Variants in SCML4 observed in about 807,000 individuals in gnomAD.
SCML4 encodes Scm polycomb group protein like 4, also known as sex comb on midleg-like protein 4.
In SCML4, 34 loss-of-function variants were observed where a neutral mutation model predicts 41.1. The ratio of observed to expected loss-of-function variants is 0.83; its 90% confidence interval spans 0.63 to 1.10. The LOEUF (loss-of-function observed/expected upper bound fraction) is 1.10, where lower values mean the gene tolerates loss of function less well. Among genes scored for constraint, SCML4 ranks in the 50% least tolerant of loss-of-function variants. The probability of loss-of-function intolerance (pLI) is 0.00; values close to 1 mark genes in which losing one functional copy is unlikely to be tolerated. For synonymous variants in SCML4, 214 were observed against 220.9 expected (o/e 0.97, Z 0.28); for missense variants, 522 against 534.1 (o/e 0.98, Z 0.22).
In SCML4 at chr6:107,704,121, A is replaced by G. The variant is rs1292583555; in HGVS notation, c.*1079T>C. On this transcript the variant is annotated 3_prime_UTR_variant, in exon 8 of 8. Coordinates refer to ENST00000369020, the MANE Select transcript of SCML4 (RefSeq NM_198081.5). ...AAACCCCATAATAGCATGTCTGTGT[A>G]TTTGTTGAGGACTAGAAAAATTAGC... 2 of 152,256 alleles carry G rather than the reference A, an allele frequency of 1.3e-5. No homozygotes were observed. Among genetic ancestry groups the G allele is most frequent in the Non-Finnish European group, 2.9e-5 (2 of 68,046 alleles). 9.4% of individuals were successfully genotyped at this position (152,256 alleles called of 1,614,324 possible). A position where few individuals can be genotyped will look rare whatever the true frequency, so the allele number is the denominator to read the frequency against.
the SCML4 span, among the ~76,000 whole-genome samples, chr6:107,841,062 A>C: frequency 6.6e-6 from 1 of 152,046 alleles, no homozygotes; most frequent in Non-Finnish European, 1.5e-5. Context: ...CAATCCCCAA[A>C]CACCATCTCC....
upstream of SCML4, among the ~76,000 whole-genome samples, chr6:107,827,343 T>A (rs1785297098): frequency 6.8e-6 from 1 of 148,018 alleles, no homozygotes; most frequent in South Asian, 2.1e-4. Flanking sequence ...ATCTTTATAT[T>A]TTTTACTTAA....
At chr6:107,769,746 CATCTCACTACA>C (rs1239089544) in intron 2 of SCML4, among the ~76,000 whole-genome samples, 1 of 151,926 alleles carries the variant, frequency 6.6e-6, no homozygotes, top group African/African-American at 2.4e-5. Context: ...AGTATATTAT[CATCTCACTACA>C]AAAGTTATTA....
chr6:107,766,716 G>A (rs1780076723), intron 2 of SCML4, among the ~76,000 whole-genome samples: 1 of 152,216 alleles, frequency 6.6e-6, no homozygotes, highest in Non-Finnish European at 1.5e-5. Context: ...TTCCAGCCCT[G>A]GGTGCATGGG....
intron 1 of SCML4, among the ~76,000 whole-genome samples, chr6:107,813,215 T>A (rs1784289763): frequency 6.7e-6 from 1 of 150,288 alleles, no homozygotes; most frequent in Non-Finnish European, 1.5e-5. Context: ...TACAAAAAAT[T>A]AGCTCAGGGT....
chr6:107,844,787 C>T, the SCML4 span, among the ~76,000 whole-genome samples: 7 of 152,144 alleles, frequency 4.6e-5, no homozygotes, highest in East Asian at 9.7e-4. Flanking sequence ...CCTGGCTGGG[C>T]ATGGTGGCTC....
At position 107,707,986 on chromosome 6, in the gene SCML4, C is replaced by G; in HGVS notation, c.999G>C (p.Gln333His). Residue 333 changes from glutamine to histidine, a missense_variant, in exon 7 of 8, where the codon CAG (glutamine) becomes CAC (histidine). Coordinates refer to ENST00000369020, the MANE Select transcript of SCML4 (RefSeq NM_198081.5). Reference sequence around the variant, plus strand: ...TCCTGCTCCGTGGCCGCCTGGCATCCTGCGCATCCTGAGAAGGGCTTGAGG... The same window carrying G: ...TCCTGCTCCGTGGCCGCCTGGCATCGTGCGCATCCTGAGAAGGGCTTGAGG... ...RCASSPSQDA[Q>H]DARRPRSRNP... The G allele has an allele frequency of 6.4e-7, 1 of 1,551,222 alleles. No homozygotes were observed. The highest frequency in any genetic ancestry group is 1.2e-5 in the South Asian group (1 of 84,062).
At chr6:107,839,092 C>T in the SCML4 span, among the ~76,000 whole-genome samples, 1 of 151,978 alleles carries the variant, frequency 6.6e-6, no homozygotes, top group Non-Finnish European at 1.5e-5. Flanking sequence ...TTGAGGCCAG[C>T]AGTTCAAGAC....
chr6:107,741,754 T>C (rs1189853562), intron 5 of SCML4, among the ~76,000 whole-genome samples: 1 of 152,212 alleles, frequency 6.6e-6, no homozygotes, highest in Non-Finnish European at 1.5e-5. Flanking sequence ...TAAGGTGCCA[T>C]GTAGAGCCAA....
intron 2 of SCML4, among the ~76,000 whole-genome samples, chr6:107,768,826 C>A (rs1780284250): frequency 6.6e-6 from 1 of 152,172 alleles, no homozygotes; most frequent in Non-Finnish European, 1.5e-5. Context: ...GAACTTGTTT[C>A]TTCTGCTTAA....
intron 1 of SCML4, among the ~76,000 whole-genome samples, chr6:107,784,495 C>T (rs1356362125): frequency 6.6e-6 from 1 of 152,124 alleles, no homozygotes; most frequent in African/African-American, 2.4e-5. Context: ...TGCATGTATG[C>T]TTATGGATGC....
At chr6:107,746,546 C>T in intron 4 of SCML4, 143 bp downstream of exon 4, 1 of 673,746 alleles carries the variant, frequency 1.5e-6, no homozygotes, top group Non-Finnish European at 2.6e-6. Context: ...AGGCTTTTAG[C>T]TCACAGGCTC....
Position 107,703,014 on chromosome 6 carries a change from G to A in SCML4, c.*2186C>T, listed in dbSNP as rs1038998182. Reference sequence around the variant, plus strand: ...ATGGCAACGAGAGTGACCTCTGGTTGTCCTCGCTGCTATACTACCACCAGT... The same window carrying A: ...ATGGCAACGAGAGTGACCTCTGGTTATCCTCGCTGCTATACTACCACCAGT... On this transcript the variant is annotated 3_prime_UTR_variant, in exon 8 of 8. Transcript: ENST00000369020. 1.3e-5 allele frequency among the ~76,000 whole-genome samples: 2 copies of A among 152,188 alleles called. No homozygotes were observed. The highest frequency in any genetic ancestry group is 2.9e-5 in the Non-Finnish European group (2 of 68,040).
intron 6 of SCML4, among the ~76,000 whole-genome samples, chr6:107,708,499 G>A (rs915768454): frequency 6.6e-6 from 1 of 152,162 alleles, no homozygotes; most frequent in African/African-American, 2.4e-5. Context: ...AGAGGATAGA[G>A]GCATGGTAGA....
intron 1 of SCML4, among the ~76,000 whole-genome samples, chr6:107,787,362 C>G (rs1781981283): frequency 6.6e-6 from 1 of 152,158 alleles, no homozygotes; most frequent in African/African-American, 2.4e-5. Flanking sequence ...CTGCGAGACA[C>G]TTGTCTCTGC....
intron 2 of SCML4, among the ~76,000 whole-genome samples, chr6:107,759,586 A>G (rs910387397): frequency 6.6e-6 from 1 of 152,184 alleles, no homozygotes; most frequent in East Asian, 1.9e-4. Context: ...ATCTACATCT[A>G]TTCACAAAAT....
At chr6:107,825,099 A>G (rs1242717594), upstream of SCML4, among the ~76,000 whole-genome samples, 1 of 152,164 alleles carries the variant, frequency 6.6e-6, no homozygotes, top group African/African-American at 2.4e-5. Flanking sequence ...GCCCCATTGC[A>G]TTTTCTGCAG....
Position 107,720,741 on chromosome 6 carries a change from GGGCTGGA to G in SCML4, c.928_934del (p.Ser310ProfsTer44), listed in dbSNP as rs1775304248. On this transcript the variant is annotated frameshift_variant, in exon 6 of 8. Coordinates refer to ENST00000369020, the MANE Select transcript of SCML4 (RefSeq NM_198081.5). LOFTEE classifies it high-confidence loss of function. ...TTCAAGAGAGGTCGTGTTTCTCTTG[GGGCTGGA>G]GGCTGGAGGCCTCAGCCCAGGTGCC... 6.3e-7 allele frequency: 1 copy of G among 1,594,016 alleles called. No individual in the cohort carries two copies. Among genetic ancestry groups the G allele is most frequent in the Non-Finnish European group, 8.5e-7 (1 of 1,171,706 alleles).
intron 6 of SCML4, chr6:107,720,050 G>A (rs1284135724): frequency 1.0e-6 from 1 of 985,312 alleles, no homozygotes; most frequent in East Asian, 1.1e-4. Flanking sequence ...CAGCATTGGG[G>A]GAATTTTGCC....
Sources: allele counts gnomAD v4.1 joint callset (sites outside exome capture counted in the v4.1 genomes callset), GRCh38; gene constraint gnomAD v4.1.1; transcripts MANE v1.5; gene names NCBI Gene and HGNC (gene_info 2026-07-23, HGNC 2026-07-21).